Variants in CDK17 observed in about 807,000 individuals in gnomAD.
CDK17 encodes cyclin-dependent kinase 17.
A neutral mutation model predicts 77.6 loss-of-function variants in CDK17; 24 were observed. The ratio of observed to expected loss-of-function variants is 0.31; its 90% CI spans 0.22 to 0.44. The LOEUF is 0.44. Among genes scored for constraint, CDK17 ranks in the 20% least tolerant of loss-of-function variants. The pLI is 1.00. For synonymous variants in CDK17, 203 were observed against 210.4 expected (o/e 0.96, Z 0.30); for missense variants, 429 against 622.5 (o/e 0.69, Z 3.31).
intron 2 of CDK17, among the ~76,000 whole-genome samples, chr12:96,334,301 T>C (rs1953011284): frequency 6.6e-6 from 1 of 152,218 alleles, no homozygotes; most frequent in Admixed American, 6.5e-5. Context: ...CACTGTCAAA[T>C]GCATGAAACA....
intron 2 of CDK17, among the ~76,000 whole-genome samples, chr12:96,326,876 T>C (rs1025774059): frequency 6.6e-6 from 1 of 152,182 alleles, no homozygotes; most frequent in African/African-American, 2.4e-5. Flanking sequence ...CACTTTATAC[T>C]TCACCATAAA....
chr12:96,347,459 C>T (rs1484961891), intron 1 of CDK17, among the ~76,000 whole-genome samples: 1 of 150,692 alleles, frequency 6.6e-6, no homozygotes, highest in Non-Finnish European at 1.5e-5. Context: ...CCCAGCTACT[C>T]AGGAAGCTGA....
Position 96,316,327 on chromosome 12 carries a change from T to C in CDK17, c.284-2873A>G, listed in dbSNP as rs546077794. On this transcript the variant is annotated intron_variant, in intron 3 of 16. Coordinates refer to ENST00000261211, the MANE Select transcript of CDK17 (RefSeq NM_002595.5). Reference sequence around the variant, plus strand: ...CCTACGCCCACGGAGTCTTGCTGATTGCTAGCACAGCAGTCTGAGATCAAA... The same window carrying C: ...CCTACGCCCACGGAGTCTTGCTGATCGCTAGCACAGCAGTCTGAGATCAAA... 7.5e-3 allele frequency among the ~76,000 whole-genome samples: 1,145 copies of C among 151,724 alleles called. 16 individuals carry two copies. Among genetic ancestry groups the C allele is most frequent in the African/African-American group, 0.027 (1,099 of 41,314 alleles).
chr12:96,400,430 G>T lies in CDK17; in HGVS notation c.-474C>A. ...GTGTGCGTCGCTTTCACACTCGGCG[G>T]CTGCGGATTGACGCCTCCGCCTGTT... is the stretch of plus-strand genomic sequence containing the variant. On this transcript the variant is annotated 5_prime_UTR_variant, in exon 1 of 17. Coordinates refer to ENST00000261211, the MANE Select transcript of CDK17 (RefSeq NM_002595.5). The T allele has an allele frequency of 2.6e-6, 1 of 381,984 alleles. No individual in the cohort carries two copies. The highest frequency in any genetic ancestry group is 4.6e-6 in the Non-Finnish European group (1 of 215,866). The allele number at this position is 381,984 out of a possible 1,614,324, so 23.7% of individuals were successfully genotyped here.
At chr12:96,398,353 C>T (rs1954205014) in intron 1 of CDK17, among the ~76,000 whole-genome samples, 1 of 152,124 alleles carries the variant, frequency 6.6e-6, no homozygotes, top group Admixed American at 6.5e-5. Flanking sequence ...ACTTCATTAA[C>T]AAAGCAACAT....
At chr12:96,349,256 C>T (rs112931646) in intron 1 of CDK17, among the ~76,000 whole-genome samples, 13,034 of 152,066 alleles carry the variant, frequency 0.086, 771 homozygotes, top group South Asian at 0.22. Flanking sequence ...GCGTTGGAGA[C>T]CAGCCTGGAC....
At chr12:96,316,112 G>A (rs1020429686) in intron 3 of CDK17, among the ~76,000 whole-genome samples, 1 of 152,208 alleles carries the variant, frequency 6.6e-6, no homozygotes, top group African/African-American at 2.4e-5. Flanking sequence ...CCGTGCACTA[G>A]CCGAAGCAGG....
At chr12:96,298,570 T>C (rs1952446681) in intron 7 of CDK17, among the ~76,000 whole-genome samples, 1 of 152,202 alleles carries the variant, frequency 6.6e-6, no homozygotes, top group South Asian at 2.1e-4. Context: ...TGTTTTTTAA[T>C]TTATTTAGTT....
chr12:96,309,199 T>C (rs1365593320), intron 5 of CDK17, among the ~76,000 whole-genome samples: 1 of 151,452 alleles, frequency 6.6e-6, no homozygotes, highest in Non-Finnish European at 1.5e-5. Flanking sequence ...AGTTCTGATT[T>C]CCCAAACATG....
intron 1 of CDK17, among the ~76,000 whole-genome samples, chr12:96,346,345 G>A (rs959085072): frequency 4.2e-4 from 61 of 145,988 alleles, no homozygotes; most frequent in African/African-American, 1.3e-3. Flanking sequence ...CCAGCTACTC[G>A]GGAGGCCGAG....
At chr12:96,363,477 C>G (rs918648034) in intron 1 of CDK17, among the ~76,000 whole-genome samples, 1 of 151,182 alleles carries the variant, frequency 6.6e-6, no homozygotes, top group South Asian at 2.1e-4. Flanking sequence ...AAAATTAGAG[C>G]CCCCTGTGCA....
intron 1 of CDK17, among the ~76,000 whole-genome samples, chr12:96,374,362 G>A (rs981274578): frequency 6.6e-6 from 1 of 152,066 alleles, no homozygotes; most frequent in African/African-American, 2.4e-5. Flanking sequence ...TAATCTCTGG[G>A]GCCAACAGGT....
At chr12:96,333,369 C>A (rs1033783745) in intron 2 of CDK17, among the ~76,000 whole-genome samples, 1 of 151,796 alleles carries the variant, frequency 6.6e-6, no homozygotes, top group Non-Finnish European at 1.5e-5. Context: ...CCCACCATGA[C>A]AAAAACAAAA....
intron 1 of CDK17, among the ~76,000 whole-genome samples, chr12:96,372,815 G>C (rs1953715241): frequency 6.6e-6 from 1 of 152,138 alleles, no homozygotes; most frequent in South Asian, 2.1e-4. Flanking sequence ...CATTACAAAT[G>C]ATAGCCTTTA....
chr12:96,375,924 GA>G (rs903112696), intron 1 of CDK17, among the ~76,000 whole-genome samples: 38 of 152,184 alleles, frequency 2.5e-4, no homozygotes, highest in Admixed American at 2.6e-4. Context: ...TTCCCCAGGG[GA>G]AAAATTGAAA....
In CDK17 at chr12:96,324,105, A is replaced by C. The variant is rs1320525925; in HGVS notation, c.126T>G (p.Ile42Met). ...EENSSKDNEP[I>M]VKNGRPPTSH... is the part of the protein sequence containing the mutation. ...ACGTTGGAGGCCTGCCATTCTTCAC[A>C]ATAGGCTCTGTGGTTCATAGAATTC... The change falls in exon 3 of 17, where the codon ATT becomes ATG. Residue 42 changes from isoleucine to methionine, a missense_variant. Coordinates refer to ENST00000261211, the MANE Select transcript of CDK17 (RefSeq NM_002595.5). The C allele has an allele frequency of 1.2e-6, 2 of 1,607,800 alleles. No individual in the cohort carries two copies. The highest frequency in any genetic ancestry group is 8.5e-7 in the Non-Finnish European group (1 of 1,177,010).
At chr12:96,325,301 CT>C (rs1952878184) in intron 2 of CDK17, among the ~76,000 whole-genome samples, 1 of 152,190 alleles carries the variant, frequency 6.6e-6, no homozygotes, top group African/African-American at 2.4e-5. Context: ...CAGGGGATTC[CT>C]TTTTAAAATG....
intron 6 of CDK17, among the ~76,000 whole-genome samples, chr12:96,299,678 C>G (rs1046178698): frequency 3.3e-5 from 5 of 152,162 alleles, no homozygotes; most frequent in Non-Finnish European, 5.9e-5. Flanking sequence ...CGTGAGCCAC[C>G]GCGCCCGGCA....
chr12:96,392,001 T>A (rs1474676459), intron 1 of CDK17, among the ~76,000 whole-genome samples: 1 of 152,120 alleles, frequency 6.6e-6, no homozygotes, highest in Non-Finnish European at 1.5e-5. Flanking sequence ...CCTAATTCCA[T>A]CACTTTATTC....
Sources: allele counts gnomAD v4.1 joint callset (sites outside exome capture counted in the v4.1 genomes callset), GRCh38; gene constraint gnomAD v4.1.1; transcripts MANE v1.5; gene names NCBI Gene and HGNC (gene_info 2026-07-23, HGNC 2026-07-21).